The following IL1RAPL1 variants were observed in gnomAD, a reference collection of about 807,000 sequenced individuals.
IL1RAPL1 encodes the protein interleukin-1 receptor accessory protein-like 1.
IL1RAPL1 carries 3 observed loss-of-function variants against 48.4 expected under a neutral mutation model. The ratio of observed to expected loss-of-function variants is 0.06; its 90% CI spans 0.03 to 0.16. The LOEUF (loss-of-function observed/expected upper bound fraction) is 0.16. Ranked by LOEUF, IL1RAPL1 falls within the 10% of genes least tolerant of loss-of-function variation. The pLI, the probability that IL1RAPL1 is intolerant of heterozygous loss-of-function variation, is 1.00. For synonymous variants in IL1RAPL1, 185 were observed against 187.7 expected (o/e 0.99, Z 0.12); for missense variants, 349 against 530.6 (o/e 0.66, Z 3.36).
At chrX:28,633,445 T>A (rs1306154850) in intron 1 of IL1RAPL1, among the ~76,000 whole-genome samples, 1 of 111,761 alleles carries the variant, frequency 8.9e-6, no homozygotes, top group African/African-American at 3.3e-5. Flanking sequence ...TGTTTTGTGC[T>A]AATAATAGTA....
chrX:29,319,357 A>C (rs1399095991), intron 3 of IL1RAPL1, among the ~76,000 whole-genome samples: 3 of 50,496 alleles, frequency 5.9e-5, no homozygotes, highest in Non-Finnish European at 1.3e-4. Flanking sequence ...GCATGTAGAT[A>C]AATTTAATTT....
intron 3 of IL1RAPL1, among the ~76,000 whole-genome samples, chrX:29,314,009 A>G (rs1053934362): frequency 3.6e-5 from 4 of 112,390 alleles, no homozygotes; most frequent in Non-Finnish European, 7.5e-5. Context: ...ACAGTGTAGG[A>G]TAGTTACACG....
intron 3 of IL1RAPL1, among the ~76,000 whole-genome samples, chrX:29,333,784 A>G (rs1350444132): frequency 1.3e-3 from 25 of 19,134 alleles, no homozygotes; most frequent in South Asian, 3.1e-3. Context: ...CCTCCCGGAC[A>G]GGGCGGCTGG....
chrX:29,131,477 A>AT (rs1174049068), intron 2 of IL1RAPL1, among the ~76,000 whole-genome samples: 1 of 110,122 alleles, frequency 9.1e-6, no homozygotes, highest in African/African-American at 3.3e-5. Context: ...AAAGTTCTCA[A>AT]TTTTTTTGCA....
intron 6 of IL1RAPL1, among the ~76,000 whole-genome samples, chrX:29,885,678 G>C (rs1932145089): frequency 9.0e-6 from 1 of 111,121 alleles, no homozygotes; most frequent in Admixed American, 9.6e-5. Context: ...AATCAGCTGA[G>C]TGTGGTGGCA....
At chrX:29,712,425 C>T (rs1927376780) in intron 6 of IL1RAPL1, among the ~76,000 whole-genome samples, 1 of 111,621 alleles carries the variant, frequency 9.0e-6, no homozygotes, top group South Asian at 3.7e-4. Flanking sequence ...GGACAAGGAC[C>T]TTCATACACT....
intron 6 of IL1RAPL1, among the ~76,000 whole-genome samples, chrX:29,800,326 A>G (rs1439605694): frequency 1.8e-5 from 2 of 110,895 alleles, no homozygotes; most frequent in African/African-American, 6.6e-5. Flanking sequence ...CCCTTTCCCC[A>G]TAATTCCTTC....
At chrX:28,759,031 G>A (rs1394133139) in intron 1 of IL1RAPL1, among the ~76,000 whole-genome samples, 3 of 111,844 alleles carry the variant, frequency 2.7e-5, no homozygotes, top group Non-Finnish European at 5.6e-5. Flanking sequence ...AAGGTCAGGC[G>A]TTCAAGACCA....
At chrX:29,134,066 C>A (rs1185494449) in intron 2 of IL1RAPL1, among the ~76,000 whole-genome samples, 1 of 111,322 alleles carries the variant, frequency 9.0e-6, no homozygotes, top group Non-Finnish European at 1.9e-5. Context: ...AAGGACTTAC[C>A]ACAGTTTATT....
intron 5 of IL1RAPL1, among the ~76,000 whole-genome samples, chrX:29,459,370 GA>G (rs1201270545): frequency 5.4e-5 from 6 of 111,937 alleles, no homozygotes; most frequent in African/African-American, 1.9e-4. Context: ...GTACCAGGAT[GA>G]GGAACTTGTA....
intron 3 of IL1RAPL1, among the ~76,000 whole-genome samples, chrX:29,355,142 A>T (rs1262678468): frequency 8.9e-6 from 1 of 111,971 alleles, no homozygotes; most frequent in Non-Finnish European, 1.9e-5. Flanking sequence ...ACAAATGAAA[A>T]TTTACGTTAT....
At chrX:29,688,975 A>G (rs1926707047) in intron 6 of IL1RAPL1, among the ~76,000 whole-genome samples, 1 of 111,351 alleles carries the variant, frequency 9.0e-6, no homozygotes, top group Admixed American at 9.5e-5. Context: ...GCAAGAAAAA[A>G]CAAGATAATC....
chrX:29,324,316 C>A (rs1035311017), intron 3 of IL1RAPL1, among the ~76,000 whole-genome samples: 7 of 111,333 alleles, frequency 6.3e-5, no homozygotes, highest in Non-Finnish European at 1.9e-5. Flanking sequence ...TGGGAGGGAG[C>A]CTTCAGAATG....
chrX:29,889,531 T>C (rs1328626026), intron 6 of IL1RAPL1, among the ~76,000 whole-genome samples: 1 of 111,858 alleles, frequency 8.9e-6, no homozygotes, highest in African/African-American at 3.2e-5. Context: ...ATATAATCCA[T>C]ATAATACTCT....
At chrX:29,883,562 C>T (rs1266400909) in intron 6 of IL1RAPL1, among the ~76,000 whole-genome samples, 1 of 111,984 alleles carries the variant, frequency 8.9e-6, no homozygotes, top group Non-Finnish European at 1.9e-5. Flanking sequence ...CATATCTGCC[C>T]CCTTCGTTTT....
chrX:29,450,936 C>T (rs754872847), intron 5 of IL1RAPL1, among the ~76,000 whole-genome samples: 6 of 109,855 alleles, frequency 5.5e-5, no homozygotes, highest in Admixed American at 2.9e-4. Context: ...ACTAAGGTGC[C>T]GATATCTGTG....
intron 2 of IL1RAPL1, among the ~76,000 whole-genome samples, chrX:29,267,488 C>T (rs746293382): frequency 4.6e-4 from 51 of 111,911 alleles, no homozygotes; most frequent in Non-Finnish European, 7.9e-4. Flanking sequence ...CAAACACATA[C>T]ACATACATAG....
intron 1 of IL1RAPL1, chrX:28,659,438 G>A: frequency 1.9e-6 from 1 of 526,563 alleles, no homozygotes; most frequent in Non-Finnish European, 3.5e-6. Context: ...ACCACCAGTC[G>A]ATTTGCGGGA....
At chrX:29,767,620 T>G (rs943550076) in intron 6 of IL1RAPL1, among the ~76,000 whole-genome samples, 3 of 111,972 alleles carry the variant, frequency 2.7e-5, no homozygotes, top group African/African-American at 9.7e-5. Context: ...GCTATTGATT[T>G]TCATAAGGAT....
Sources: gnomAD v4.1 joint callset for allele counts (sites outside exome capture counted in the v4.1 genomes callset) on GRCh38, gnomAD v4.1.1 for gene constraint, MANE v1.5 for transcripts, NCBI Gene and HGNC (gene_info 2026-07-23, HGNC 2026-07-21) for gene names.